The following MGAM variants were observed in gnomAD, a reference collection of about 807,000 sequenced individuals.
MGAM encodes maltase-glucoamylase, also known as alpha-1,4-glucosidase.
Under a neutral mutation model 358.8 loss-of-function variants are expected in MGAM, and 253 were observed. That is an observed-to-expected ratio of 0.71 (90% confidence interval 0.64 to 0.78). The LOEUF (loss-of-function observed/expected upper bound fraction) is 0.78. Ranked by LOEUF, MGAM falls within the 30% of genes least tolerant of loss-of-function variation. The probability of loss-of-function intolerance (pLI) is 0.00; values close to 1 mark genes in which losing one functional copy is unlikely to be tolerated. For missense variants in MGAM, 3,080 were observed against 3,432.6 expected (o/e 0.90, Z 2.57); for synonymous variants, 1,105 against 1,227.1 (o/e 0.90, Z 2.08).
At chr7:142,041,928 AAT>A (rs71531987) in intron 21 of MGAM, among the ~76,000 whole-genome samples, 3 of 16,446 alleles carry the variant, frequency 1.8e-4, no homozygotes, top group Non-Finnish European at 3.1e-4. Context: ...TATAATATAT[AAT>A]ATATATATTA....
intron 34 of MGAM, among the ~76,000 whole-genome samples, chr7:142,061,278 T>C (rs1174961219): frequency 2.0e-5 from 3 of 152,154 alleles, no homozygotes; most frequent in Non-Finnish European, 2.9e-5. Context: ...GCTGATAATC[T>C]CTTTATTCTA....
At chr7:142,034,606 G>GTATC (rs1807815485) in intron 15 of MGAM, 64 bp from the exon 16 acceptor site, 2 of 1,439,108 alleles carry the variant, frequency 1.4e-6, no homozygotes, top group African/African-American at 2.8e-5. Context: ...TATTGTTGCT[G>GTATC]TATCCCCTTG....
At chr7:142,063,934 T>A (rs755028215) in intron 36 of MGAM, among the ~76,000 whole-genome samples, 2 of 152,224 alleles carry the variant, frequency 1.3e-5, no homozygotes, top group Non-Finnish European at 2.9e-5. Flanking sequence ...CCCCTTATCA[T>A]GGAGCTGATG....
intron 36 of MGAM, 94 bp downstream of exon 36, chr7:142,063,680 C>T: frequency 7.3e-7 from 1 of 1,378,486 alleles, no homozygotes; most frequent in Non-Finnish European, 1.0e-6. Flanking sequence ...CAGCTGAGGG[C>T]ACATCCTCAT....
rs367712835 is a variant in MGAM at position 142,050,780 on chromosome 7, G to T, written c.2721G>T (p.Thr907=). The T allele has an allele frequency of 1.9e-6, 3 of 1,613,638 alleles. No individual in the cohort carries two copies. The highest frequency in any genetic ancestry group is 2.7e-5 in the African/African-American group (2 of 74,888). The change falls in exon 24 of 71, where the codon ACG becomes ACT. Residue 907 remains threonine, a synonymous_variant. Coordinates refer to ENST00000475668, the MANE Select transcript of MGAM (RefSeq NM_001365693.1). ...TTAATGAGATTAAAATTCTTGGGAC[G>T]GAGGAACCTAGCAATGTTACAGTGA... The part of the protein sequence containing the change: ...LAFNEIKILG[T]EEPSNVTVKH...
intron 10 of MGAM, among the ~76,000 whole-genome samples, chr7:142,028,184 G>T (rs1383354485): frequency 5.9e-5 from 9 of 152,070 alleles, no homozygotes; most frequent in African/African-American, 2.2e-4. Context: ...AAGTGTCATG[G>T]CAGGGACTTA....
In MGAM at chr7:142,071,151, T is replaced by G. The variant is rs370852919; in HGVS notation, c.5186+33T>G. 2.0e-5 allele frequency: 31 copies of G among 1,528,678 alleles called. 6 individuals carry two copies. The highest frequency in any genetic ancestry group is 2.2e-5 in the Non-Finnish European group (24 of 1,115,194). 94.7% of individuals were successfully genotyped at this position (1,528,678 alleles called of 1,614,324 possible). On this transcript the variant is annotated intron_variant, in intron 44 of 70. Transcript: ENST00000475668. Reference sequence around the variant, plus strand: ...ACAGGACTCAGGTTTTCCTTTACATTTCAGTTAGCTCAACAATTTGTGATG... The same window carrying G: ...ACAGGACTCAGGTTTTCCTTTACATGTCAGTTAGCTCAACAATTTGTGATG...
At chr7:142,061,308 T>C (rs891412735) in intron 34 of MGAM, among the ~76,000 whole-genome samples, 2 of 152,102 alleles carry the variant, frequency 1.3e-5, no homozygotes, top group African/African-American at 4.8e-5. Flanking sequence ...CCCCCACCCA[T>C]CCCGTCGTTT....
intron 22 of MGAM, among the ~76,000 whole-genome samples, chr7:142,048,115 TTTTA>T (rs58194410): frequency 0.11 from 11,335 of 101,850 alleles, 724 homozygotes; most frequent in East Asian, 0.23. Flanking sequence ...ATAATAGGCT[TTTTA>T]TTTATTTATT....
Position 141,996,769 on chromosome 7 carries a change from G to T in MGAM, c.-3+839G>T, listed in dbSNP as rs1584885319. Among the ~76,000 whole-genome samples the T allele has an allele frequency of 2.0e-5, 3 of 152,274 alleles. No homozygotes were observed. The South Asian group carries it at 6.2e-4, about 32-fold the overall frequency. ...AAATACAGAATAATTTTAGGGGATAGTCTGAGGATGTGTGTAAAATATTGG... is the reference window on the plus strand; with the variant it reads ...AAATACAGAATAATTTTAGGGGATATTCTGAGGATGTGTGTAAAATATTGG... On this transcript the variant is annotated intron_variant, in intron 1 of 70. Coordinates refer to ENST00000475668, the MANE Select transcript of MGAM (RefSeq NM_001365693.1).
intron 70 of MGAM, among the ~76,000 whole-genome samples, chr7:142,104,064 G>C (rs1375743246): frequency 6.6e-6 from 1 of 152,116 alleles, no homozygotes; most frequent in African/African-American, 2.4e-5. Context: ...GTGTTAGCCA[G>C]GATGGTCTCG....
chr7:142,097,703 G>A, intron 66 of MGAM, 54 bp downstream of exon 66: 1 of 1,534,922 alleles, frequency 6.5e-7, no homozygotes, highest in African/African-American at 1.4e-5. Context: ...GAGTACAAAG[G>A]CTTTAGATCT....
At position 142,039,830 on chromosome 7, in the gene MGAM, G is replaced by T. The variant is rs377401861; in HGVS notation, c.2317-285G>T. On this transcript the variant is annotated intron_variant, in intron 19 of 70. Transcript: ENST00000475668. ...ATAATGGTACCCACCATTTGGGAAT[G>T]TTGGGAAAATTAAATGAGGTAATCA... Among the ~76,000 whole-genome samples the T allele has an allele frequency of 9.5e-4, 145 of 152,180 alleles. 1 individual carries two copies. The South Asian group carries it at 0.028, about 29-fold the overall frequency.
At chr7:142,058,658 T>A (rs2961075) in intron 31 of MGAM, among the ~76,000 whole-genome samples, 81,020 of 152,068 alleles carry the variant, frequency 0.53, 21,937 homozygotes, top group Admixed American at 0.62. Context: ...AAGAATAAAG[T>A]ATATCCCACA....
At chr7:142,026,214 T>C (rs1806953504) in intron 8 of MGAM, among the ~76,000 whole-genome samples, 1 of 152,084 alleles carries the variant, frequency 6.6e-6, no homozygotes, top group Non-Finnish European at 1.5e-5. Flanking sequence ...TTTTTTTTAG[T>C]TTGGCTTTTG....
Position 142,082,491 on chromosome 7 carries a change from A to G in MGAM, c.6188A>G (p.Tyr2063Cys), listed in dbSNP as rs767039377. 4.6e-6 allele frequency: 7 copies of G among 1,531,432 alleles called. 2 individuals are homozygous for G. The Admixed American group carries it at 1.1e-4, about 23-fold the overall frequency. The allele number at this position is 1,531,432 out of a possible 1,614,324, so 94.9% of individuals were successfully genotyped here. A position where few individuals can be genotyped will look rare whatever the true frequency, so the allele number is the denominator to read the frequency against. ...ACTCTCCAGTACAAGAAGAATTCCTATGGTGTCCACCCCTACTACATGGGG... is the reference window on the plus strand; with the variant it reads ...ACTCTCCAGTACAAGAAGAATTCCTGTGGTGTCCACCCCTACTACATGGGG... ...DQPPGYKKNS[Y>C]GVHPYYMGLE... The change falls in exon 52 of 71, where the codon TAT becomes TGT. Residue 2063 changes from tyrosine (Y) to cysteine (C), a missense_variant. By Grantham distance (194) the Tyr-to-Cys change is radical. Around this residue, in one of 5 missense-constraint regions of MGAM, gnomAD observed 932 missense variants for 1,198.2 expected, o/e 0.78. Coordinates refer to ENST00000475668, the MANE Select transcript of MGAM (RefSeq NM_001365693.1).
intron 44 of MGAM, 129 bp from the exon 45 acceptor site, chr7:142,073,956 G>A: frequency 1.4e-6 from 1 of 696,330 alleles, no homozygotes; most frequent in Non-Finnish European, 2.5e-6. Context: ...TTTTGTGTTT[G>A]TACCTCAAGA....
rs184909179 is a variant in MGAM at position 142,060,374 on chromosome 7, G to T, written c.4122+1G>T. 2.3e-4 allele frequency: 367 copies of T among 1,613,982 alleles called. 3 individuals carry two copies. The East Asian group carries it at 4.0e-3, about 18-fold the overall frequency. ...TCTAGACTGGGACAGCCAAGTGGAG[G>T]TAAAAGGGTGTTTGTAAATTTGGGT... On this transcript the variant is annotated splice_donor_variant, in intron 34 of 70. Coordinates refer to ENST00000475668, the MANE Select transcript of MGAM (RefSeq NM_001365693.1). LOFTEE classifies it high-confidence loss of function.
In MGAM at chr7:142,031,700, G is replaced by A; in HGVS notation, c.1491G>A (p.Val497=). ...TGAAGGTCTGGCCTGGACAAACTGT[G>A]TTTCCTGATTATACCAATCCCAACT... is the stretch of plus-strand genomic sequence containing the variant. ...LIGEVWPGQT[V]FPDYTNPNCA... Residue 497 remains valine, a synonymous_variant, in exon 13 of 71, where the codon GTG becomes GTA. Coordinates refer to ENST00000475668, the MANE Select transcript of MGAM (RefSeq NM_001365693.1). 6.2e-7 allele frequency: 1 copy of A among 1,612,648 alleles called. No individual in the cohort carries two copies. Among genetic ancestry groups the A allele is most frequent in the Non-Finnish European group, 8.5e-7 (1 of 1,178,876 alleles).
Sources: gnomAD v4.1 joint callset for allele counts (sites outside exome capture counted in the v4.1 genomes callset) on GRCh38, gnomAD v4.1.1 for gene constraint, gnomAD v4.1.1 regional missense constraint, MANE v1.5 for transcripts, NCBI Gene and HGNC (gene_info 2026-07-23, HGNC 2026-07-21) for gene names.